USH2A: variants seen among roughly 807,000 people sequenced by gnomAD.
USH2A encodes the protein usherin.
A neutral mutation model predicts 538.9 loss-of-function variants in USH2A; 443 were observed. That is an observed-to-expected ratio of 0.82 (90% CI 0.76 to 0.89). USH2A has a LOEUF of 0.89. Among genes scored for constraint, USH2A ranks in the 40% least tolerant of loss-of-function variants. The pLI, the probability that USH2A is intolerant of heterozygous loss-of-function variation, is 0.00. For missense variants in USH2A, 6,633 were observed against 6,324.8 expected (o/e 1.05, Z -1.65); for synonymous variants, 2,413 against 2,273.5 (o/e 1.06, Z -1.75).
rs561157608 is a variant in USH2A at position 216,372,719 on chromosome 1, T to C, written c.652-7634A>G. Among the ~76,000 whole-genome samples the C allele has an allele frequency of 7.2e-5, 11 of 152,300 alleles. No individual in the cohort carries two copies. The South Asian group carries it at 1.9e-3, about 26-fold the overall frequency. ...GAAAATCTGCCAACAGTCTGATTTA[T>C]TGAATTCCTAAGGAATAGGGAGAGT... On this transcript the variant is annotated intron_variant, in intron 3 of 71. Coordinates refer to ENST00000307340, the MANE Select transcript of USH2A (RefSeq NM_206933.4).
At chr1:215,932,877 T>A (rs1666398763) in intron 38 of USH2A, among the ~76,000 whole-genome samples, 2 of 152,062 alleles carry the variant, frequency 1.3e-5, no homozygotes, top group South Asian at 4.1e-4. Context: ...TCTATTTGTA[T>A]AATATTAACC....
intron 3 of USH2A, among the ~76,000 whole-genome samples, chr1:216,407,867 C>T (rs2039421555): frequency 6.6e-6 from 1 of 151,472 alleles, no homozygotes; most frequent in Non-Finnish European, 1.5e-5. Flanking sequence ...CCATCAAATC[C>T]CAACCATTAC....
At chr1:215,876,992 T>C (rs1396262476) in intron 43 of USH2A, among the ~76,000 whole-genome samples, 1 of 152,176 alleles carries the variant, frequency 6.6e-6, no homozygotes. Flanking sequence ...CTGAAACATA[T>C]GATCGAGGAG....
chr1:215,847,763 A>G (rs941614425), intron 44 of USH2A, among the ~76,000 whole-genome samples: 11 of 152,176 alleles, frequency 7.2e-5, no homozygotes, highest in African/African-American at 2.7e-4. Context: ...AGATCCCAGC[A>G]TATGGCCATA....
intron 61 of USH2A, among the ~76,000 whole-genome samples, chr1:215,709,878 C>T (rs1013291685): frequency 3.3e-5 from 5 of 152,188 alleles, no homozygotes; most frequent in Admixed American, 6.5e-5. Flanking sequence ...TTTATTAATT[C>T]TTTTGACTAT....
rs371200570 is a variant in USH2A, at chr1:216,214,810, G to T, written c.3157+2577C>A. Among the ~76,000 whole-genome samples the T allele has an allele frequency of 8.7e-4, 133 of 152,104 alleles. 2 individuals carry two copies. Among genetic ancestry groups the T allele is most frequent in the African/African-American group, 3.2e-3 (131 of 41,542 alleles). On this transcript the variant is annotated intron_variant, in intron 15 of 71. Coordinates refer to ENST00000307340, the MANE Select transcript of USH2A (RefSeq NM_206933.4). ...ATGAATAAATAACAATGAGAATAGT[G>T]TCAAGAAGACAAACACTATCAAACA... is the stretch of plus-strand genomic sequence containing the variant.
intron 21 of USH2A, among the ~76,000 whole-genome samples, chr1:216,145,350 C>G (rs560877153): frequency 1.2e-4 from 18 of 152,110 alleles, no homozygotes; most frequent in Non-Finnish European, 2.4e-4. Flanking sequence ...CTTGGGGGAT[C>G]CAGGGGCAAT....
intron 58 of USH2A, among the ~76,000 whole-genome samples, chr1:215,747,923 C>T (rs769923265): frequency 1.4e-5 from 2 of 147,088 alleles, no homozygotes; most frequent in African/African-American, 5.0e-5. Context: ...CTCGCTCTGT[C>T]GCCCAGGCCG....
intron 60 of USH2A, among the ~76,000 whole-genome samples, chr1:215,732,546 T>TTC (rs1220839700): frequency 2.2e-3 from 32 of 14,268 alleles, no homozygotes; most frequent in Admixed American, 5.8e-3. Flanking sequence ...TTTTCTTTCT[T>TTC]TTTTTTTTTT....
intron 9 of USH2A, among the ~76,000 whole-genome samples, chr1:216,313,900 A>G (rs1355927820): frequency 6.6e-6 from 1 of 152,146 alleles, no homozygotes; most frequent in East Asian, 1.9e-4. Context: ...TGTCTTAGAA[A>G]TTAATTTCTT....
intron 33 of USH2A, 46 bp from the exon 34 acceptor site, chr1:215,999,104 T>C: frequency 1.3e-6 from 2 of 1,504,964 alleles, no homozygotes; most frequent in South Asian, 1.1e-5. Context: ...AAGTCAAAAC[T>C]AAAATATACA....
At chr1:215,856,675 A>G (rs1664176207) in intron 44 of USH2A, among the ~76,000 whole-genome samples, 1 of 152,180 alleles carries the variant, frequency 6.6e-6, no homozygotes, top group South Asian at 2.1e-4. Context: ...TTACCATTTG[A>G]TTCATCAATC....
chr1:216,290,344 AT>A (rs1233482515), intron 10 of USH2A, among the ~76,000 whole-genome samples: 1 of 152,154 alleles, frequency 6.6e-6, no homozygotes, highest in African/African-American at 2.4e-5. Context: ...TTTCTAGACT[AT>A]TTCCATTTAC....
Position 215,888,586 on chromosome 1 carries a change from G to A in USH2A, c.8063C>T (p.Ser2688Phe), listed in dbSNP as rs1205473124. 2.5e-6 allele frequency: 4 copies of A among 1,614,200 alleles called. No individual in the cohort carries two copies. Among genetic ancestry groups the A allele is most frequent in the Non-Finnish European group, 3.4e-6 (4 of 1,180,034 alleles). ...ATATTTTGTCCATGGGCTAAGAGCAGAAGTCTTGTCAATAAACCTCATGGA... is the reference window on the plus strand; with the variant it reads ...ATATTTTGTCCATGGGCTAAGAGCAAAAGTCTTGTCAATAAACCTCATGGA... ...SHSMRFIDKT[S>F]ALSPWTKYEY... is the part of the protein sequence containing the mutation. The change falls in exon 41 of 72, where the codon TCT becomes TTT. Residue 2688 changes from serine to phenylalanine, a missense_variant. Coordinates refer to ENST00000307340, the MANE Select transcript of USH2A (RefSeq NM_206933.4).
chr1:215,675,725 TA>T, intron 62 of USH2A, 109 bp from the exon 63 acceptor site: 2 of 1,576,534 alleles, frequency 1.3e-6, no homozygotes, highest in Non-Finnish European at 1.7e-6. Context: ...TTGATGACCC[TA>T]ATTTAGAAGA....
At chr1:215,819,662 A>G (rs1253580272) in intron 47 of USH2A, among the ~76,000 whole-genome samples, 3 of 151,848 alleles carry the variant, frequency 2.0e-5, no homozygotes, top group African/African-American at 7.2e-5. Context: ...AGTTTGACTT[A>G]TCCACAAAAG....
intron 35 of USH2A, among the ~76,000 whole-genome samples, chr1:215,982,318 C>T (rs369930488): frequency 1.8e-4 from 28 of 152,332 alleles, no homozygotes; most frequent in African/African-American, 6.7e-4. Flanking sequence ...AGAAGGGACA[C>T]ACACAGAACT....
chr1:216,240,120 T>A (rs2102535249), intron 13 of USH2A, among the ~76,000 whole-genome samples: 1 of 151,858 alleles, frequency 6.6e-6, no homozygotes, highest in South Asian at 2.1e-4. Flanking sequence ...AATAAGCTAA[T>A]TTATTCAAGT....
intron 41 of USH2A, 64 bp from the exon 42 acceptor site, chr1:215,879,162 G>A (rs1339784673): frequency 2.1e-6 from 3 of 1,447,116 alleles, no homozygotes; most frequent in African/African-American, 1.4e-5. Flanking sequence ...TGAAGTTCAC[G>A]AGGCCTAGAA....
Sources: gnomAD v4.1 joint callset for allele counts (sites outside exome capture counted in the v4.1 genomes callset) on GRCh38, gnomAD v4.1.1 for gene constraint, MANE v1.5 for transcripts, NCBI Gene and HGNC (gene_info 2026-07-23, HGNC 2026-07-21) for gene names.